The following TGM6 variants were observed in gnomAD, a reference collection of about 807,000 sequenced individuals.
TGM6 encodes protein-glutamine gamma-glutamyltransferase 6.
Under a neutral mutation model 77.5 loss-of-function variants are expected in TGM6, and 74 were observed. The observed-to-expected ratio is 0.96, with a 90% CI of 0.79 to 1.16. TGM6 has a LOEUF of 1.16. Among genes scored for constraint, TGM6 ranks in the 50% most tolerant of loss-of-function variants. TGM6 has a pLI of 0.00. For missense variants in TGM6, 968 were observed against 940.2 expected (o/e 1.03, Z -0.39); for synonymous variants, 383 against 378.9 (o/e 1.01, Z -0.12).
chr20:2,403,534 C>A lies in TGM6; in HGVS notation c.1093+34C>A, dbSNP rs752770191. 1.4e-4 allele frequency: 219 copies of A among 1,614,016 alleles called. 4 individuals carry two copies. The East Asian group carries it at 4.8e-3, about 35-fold the overall frequency. On this transcript the variant is annotated intron_variant, in intron 8 of 12. Transcript: ENST00000202625. ...AATTGGGTGGGGTAAGTTCCAGACC[C>A]CTGCTTTTCCTTACCCATGCTGCTC...
chr20:2,416,194 C>T (rs1481220939), intron 9 of TGM6, among the ~76,000 whole-genome samples: 3 of 152,186 alleles, frequency 2.0e-5, no homozygotes, highest in Non-Finnish European at 4.4e-5. Context: ...GCAGTATGCC[C>T]AGCATAGCAG....
rs747241576 is a variant in TGM6 at position 2,400,384 on chromosome 20, T to A, written c.929T>A (p.Val310Glu). The A allele has an allele frequency of 1.1e-5, 17 of 1,614,190 alleles. No homozygotes were observed. In the South Asian group the frequency reaches 1.9e-4, roughly 18 times the overall value. The change falls in exon 7 of 13, where the codon GTG becomes GAG. Residue 310 changes from valine (V) to glutamate (E), a missense_variant. By Grantham distance (121) the Val-to-Glu change is moderately radical. Transcript: ENST00000202625. ...CACGACACAGACCAGAACCTGAGTGTGGACAAATACGTGGACTCCTTCGGG... is the reference window on the plus strand; with the variant it reads ...CACGACACAGACCAGAACCTGAGTGAGGACAAATACGTGGACTCCTTCGGG... ...SAHDTDQNLS[V>E]DKYVDSFGRT...
At chr20:2,400,833 A>G (rs1256738041) in intron 7 of TGM6, among the ~76,000 whole-genome samples, 1 of 152,152 alleles carries the variant, frequency 6.6e-6, no homozygotes, top group African/African-American at 2.4e-5. Flanking sequence ...GGTGGGAAAC[A>G]GACTCCTTCC....
Position 2,417,558 on chromosome 20 carries a change from C to T in TGM6, c.1663C>T (p.Leu555=). Reference sequence around the variant, plus strand: ...CCTGCATGAATCCCACGCCGTGAGGCTGGGGCCGCAAGAAGGTAAGTGTAC... The same window carrying T: ...CCTGCATGAATCCCACGCCGTGAGGTTGGGGCCGCAAGAAGGTAAGTGTAC... ...EILHESHAVR[L]GPQEEKRIPI... is the part of the protein sequence containing the mutation. Residue 555 remains leucine, a synonymous_variant, in exon 10 of 13, where the codon CTG becomes TTG. Coordinates refer to ENST00000202625, the MANE Select transcript of TGM6 (RefSeq NM_198994.3). 1 of 1,602,068 alleles carries T rather than the reference C, an allele frequency of 6.2e-7. No homozygotes were observed. Among genetic ancestry groups the T allele is most frequent in the Non-Finnish European group, 8.5e-7 (1 of 1,179,680 alleles).
chr20:2,400,415 CCT>C lies in TGM6; in HGVS notation c.961_962del (p.Leu321GlyfsTer16). Reference protein sequence around the residue: ...DKYVDSFGRTLEDLTEDSMWN... With the variant: ...DKYVDSFGRTXEDLTEDSMWN... ...AATACGTGGACTCCTTCGGGCGGAC[CCT>C]GGAGGACCTGACAGAAGACAGCATG... On this transcript the variant is annotated frameshift_variant, in exon 7 of 13. Coordinates refer to ENST00000202625, the MANE Select transcript of TGM6 (RefSeq NM_198994.3). LOFTEE classifies it high-confidence loss of function. The C allele has an allele frequency of 6.2e-7, 1 of 1,614,170 alleles. No individual in the cohort carries two copies. The highest frequency in any genetic ancestry group is 2.2e-5 in the East Asian group (1 of 44,876).
intron 9 of TGM6, among the ~76,000 whole-genome samples, chr20:2,405,500 A>C (rs2084743945): frequency 6.6e-6 from 1 of 152,200 alleles, no homozygotes; most frequent in Non-Finnish European, 1.5e-5. Flanking sequence ...AGAGGGAGGC[A>C]AAGAGGACAG....
intron 5 of TGM6, 108 bp downstream of exon 5, chr20:2,398,154 T>C: frequency 6.3e-7 from 1 of 1,586,064 alleles, no homozygotes. Context: ...TAATTCGCTG[T>C]TGTTGCAGAA....
chr20:2,407,582 A>G (rs1568662982), intron 9 of TGM6, among the ~76,000 whole-genome samples: 1 of 152,206 alleles, frequency 6.6e-6, no homozygotes, highest in Non-Finnish European at 1.5e-5. Context: ...TTACGTCACT[A>G]CACTCCAGGC....
chr20:2,422,800 A>T (rs1471269149), intron 10 of TGM6, among the ~76,000 whole-genome samples: 1 of 151,854 alleles, frequency 6.6e-6, no homozygotes, highest in Non-Finnish European at 1.5e-5. Flanking sequence ...AAAACAAAAA[A>T]AATTAGCCAG....
Position 2,380,962 on chromosome 20 carries a change from C to G in TGM6, c.-7C>G, listed in dbSNP as rs774886352. ...TGGAGGAACAGAGGAGTCCAGCTGG[C>G]CTTCACATGGCAGGTAAGTGGGCAG... is the stretch of plus-strand genomic sequence containing the variant. On this transcript the variant is annotated 5_prime_UTR_variant, in exon 1 of 13. Transcript: ENST00000202625. The G allele has an allele frequency of 1.2e-6, 2 of 1,607,912 alleles. No homozygotes were observed. Among genetic ancestry groups the G allele is most frequent in the African/African-American group, 2.7e-5 (2 of 74,976 alleles).
chr20:2,394,544 AG>A lies in TGM6; in HGVS notation c.104del (p.Gly35AlafsTer10). 6.2e-7 allele frequency: 1 copy of A among 1,612,066 alleles called. No individual in the cohort carries two copies. Among genetic ancestry groups the A allele is most frequent in the Non-Finnish European group, 8.5e-7 (1 of 1,179,844 alleles). On this transcript the variant is annotated frameshift_variant, in exon 2 of 13. Coordinates refer to ENST00000202625, the MANE Select transcript of TGM6 (RefSeq NM_198994.3). LOFTEE classifies it high-confidence loss of function. ...CCCCTGCCCTGAGCTGGTGGTTCGC[AG>A]GGGCCAGTCGTTCAGCCTCACGCTG... Reference protein sequence around the residue: ...EYPCPELVVRRGQSFSLTLEL... With the variant: ...EYPCPELVVRXGQSFSLTLEL...
At chr20:2,402,377 C>T (rs1014532812) in intron 7 of TGM6, among the ~76,000 whole-genome samples, 1 of 152,320 alleles carries the variant, frequency 6.6e-6, no homozygotes, top group East Asian at 1.9e-4. Context: ...GAGCTGGCCT[C>T]CAGCTCAGAC....
Position 2,399,576 on chromosome 20 carries a change from G to C in TGM6, c.688G>C (p.Asp230His), listed in dbSNP as rs147591485. The C allele has an allele frequency of 5.0e-6, 8 of 1,612,980 alleles. No individual in the cohort carries two copies. Among genetic ancestry groups the C allele is most frequent in the Non-Finnish European group, 6.8e-6 (8 of 1,179,942 alleles). Residue 230 changes from aspartate (D) to histidine (H), a missense_variant, in exon 6 of 13, where the codon GAC (aspartate) becomes CAC (histidine). Asp to His is a moderately conservative substitution (Grantham distance 81, BLOSUM62 -1). Transcript: ENST00000202625. Reference sequence around the variant, plus strand: ...CTCTGCCCAGGTGAACAGCAACAACGACCGAGGTGTGGTGCAAGGACAGTG... The same window carrying C: ...CTCTGCCCAGGTGAACAGCAACAACCACCGAGGTGTGGTGCAAGGACAGTG... The part of the protein sequence containing the change: ...VISAMVNSNN[D>H]RGVVQGQWQG...
At chr20:2,381,869 G>A (rs910628349) in intron 1 of TGM6, among the ~76,000 whole-genome samples, 1 of 152,206 alleles carries the variant, frequency 6.6e-6, no homozygotes, top group Admixed American at 6.5e-5. Context: ...AGTGAGCCAA[G>A]ATGGTGCCAC....
At chr20:2,385,887 G>C (rs2084591805) in intron 1 of TGM6, among the ~76,000 whole-genome samples, 1 of 152,236 alleles carries the variant, frequency 6.6e-6, no homozygotes, top group Non-Finnish European at 1.5e-5. Context: ...GGGAGGGGGA[G>C]ACTCAGCCTT....
intron 3 of TGM6, 117 bp from the exon 4 acceptor site, chr20:2,396,389 C>T (rs2084667379): frequency 9.9e-7 from 1 of 1,010,620 alleles, no homozygotes; most frequent in Non-Finnish European, 1.6e-6. Context: ...CTCTTGACCT[C>T]TCCTGCCCCA....
rs758674356 is a variant in TGM6, at chr20:2,417,292, C to A, written c.1397C>A (p.Ala466Asp). The change falls in exon 10 of 13, where the codon GCC (alanine) becomes GAC (aspartate). Residue 466 changes from alanine to aspartate, a missense_variant. Transcript: ENST00000202625. ...KAVNRLFGVEASGRRIWIRRA... is the reference protein window; with the variant it reads ...KAVNRLFGVEDSGRRIWIRRA... ...GTGAACAGGCTGTTCGGCGTGGAAG[C>A]CTCTGGAAGGAGAATCTGGATCCGC... The A allele has an allele frequency of 6.2e-7, 1 of 1,612,740 alleles. No homozygotes were observed. Among genetic ancestry groups the A allele is most frequent in the African/African-American group, 1.3e-5 (1 of 75,034 alleles).
chr20:2,406,215 G>A (rs896252107), intron 9 of TGM6, among the ~76,000 whole-genome samples: 1 of 152,150 alleles, frequency 6.6e-6, no homozygotes, highest in Non-Finnish European at 1.5e-5. Context: ...CTTCTGAGCT[G>A]CCACCTCTCT....
intron 10 of TGM6, among the ~76,000 whole-genome samples, chr20:2,423,301 T>C (rs2084868587): frequency 6.7e-6 from 1 of 150,292 alleles, no homozygotes; most frequent in East Asian, 2.1e-4. Flanking sequence ...TTACTCACAG[T>C]AGAACCTCTT....
Sources: gnomAD v4.1 joint callset for allele counts (sites outside exome capture counted in the v4.1 genomes callset) on GRCh38, gnomAD v4.1.1 for gene constraint, MANE v1.5 for transcripts, NCBI Gene and HGNC (gene_info 2026-07-23, HGNC 2026-07-21) for gene names.